TRPC5: variants seen among roughly 807,000 people sequenced by gnomAD.
TRPC5 encodes the protein transient receptor potential cation channel subfamily C member 5, also known as short transient receptor potential channel 5.
TRPC5 carries 9 observed loss-of-function variants against 56.5 expected under a neutral mutation model. The ratio of observed to expected loss-of-function variants is 0.16; its 90% CI spans 0.10 to 0.28. The LOEUF (loss-of-function observed/expected upper bound fraction) is 0.28. TRPC5 is among the 10% of genes least tolerant of loss of function. The pLI is 1.00. For synonymous variants in TRPC5, 282 were observed against 278.5 expected (o/e 1.01, Z -0.13); for missense variants, 469 against 748.9 (o/e 0.63, Z 4.36).
chrX:111,938,750 A>G (rs1348380563), intron 2 of TRPC5, among the ~76,000 whole-genome samples: 1 of 112,176 alleles, frequency 8.9e-6, no homozygotes, highest in East Asian at 2.8e-4. Context: ...TCGGTTTGTC[A>G]GTATTTTACT....
intron 1 of TRPC5, among the ~76,000 whole-genome samples, chrX:111,982,150 G>A (rs1300971907): frequency 1.8e-5 from 2 of 111,991 alleles, no homozygotes; most frequent in African/African-American, 3.2e-5. Context: ...TACAGCCTGC[G>A]GAACTGTGAG....
chrX:111,981,197 T>A (rs1928073622), intron 1 of TRPC5, among the ~76,000 whole-genome samples: 1 of 109,998 alleles, frequency 9.1e-6, no homozygotes, highest in Admixed American at 9.9e-5. Context: ...GAGCTGATGA[T>A]GCATGTTCCA....
rs1923926776 is a variant in TRPC5 at position 111,876,005 on chromosome X, CAAT to C, written c.901-21902_901-21900del. The stretch of plus-strand genomic sequence containing the variant: ...TCTTTGGGAGATAAATGAAACACAA[CAAT>C]GTTTCAATGTCCTATTAAGCTAGGG... On this transcript the variant is annotated intron_variant, in intron 3 of 10. Transcript: ENST00000262839. 3.0e-5 allele frequency: 3 copies of C among 99,521 alleles called. No individual in the cohort carries two copies. The South Asian group carries it at 1.4e-3, about 46-fold the overall frequency. The allele number at this position is 99,521 out of a possible 1,213,427, so 8.2% of individuals were successfully genotyped here.
intron 3 of TRPC5, among the ~76,000 whole-genome samples, chrX:111,905,748 A>C (rs1490640210): frequency 7.3e-5 from 8 of 109,143 alleles, no homozygotes; most frequent in Non-Finnish European, 1.5e-4. Context: ...CCCCGTCTCT[A>C]CTAAAAATAC....
At chrX:111,825,181 TTCTTTC>T in intron 7 of TRPC5, among the ~76,000 whole-genome samples, 1 of 86,594 alleles carries the variant, frequency 1.2e-5, no homozygotes, top group Non-Finnish European at 2.2e-5. Flanking sequence ...CTTTCTTTCT[TTCTTTC>T]TTTCTTTCTT....
At chrX:111,926,484 C>T (rs1204574647) in intron 2 of TRPC5, among the ~76,000 whole-genome samples, 2 of 112,048 alleles carry the variant, frequency 1.8e-5, no homozygotes, top group Non-Finnish European at 3.8e-5. Flanking sequence ...TACGGGGCAG[C>T]ATAGATACAA....
intron 3 of TRPC5, among the ~76,000 whole-genome samples, 178 bp downstream of exon 3, chrX:111,912,113 C>A (rs949935362): frequency 1.8e-5 from 2 of 111,831 alleles, no homozygotes; most frequent in African/African-American, 6.5e-5. Flanking sequence ...ACTTATCTGG[C>A]CATAAAGAAA....
At chrX:111,955,129 A>T (rs985474368) in intron 1 of TRPC5, among the ~76,000 whole-genome samples, 9 of 112,247 alleles carry the variant, frequency 8.0e-5, no homozygotes, top group African/African-American at 2.9e-4. Context: ...GATGATATAT[A>T]GTCAGTTCAA....
At chrX:111,866,182 C>T (rs1476674343) in intron 3 of TRPC5, among the ~76,000 whole-genome samples, 3 of 113,663 alleles carry the variant, frequency 2.6e-5, no homozygotes, top group African/African-American at 9.6e-5. Context: ...CAGTATCTTC[C>T]CCATTGGCCT....
rs756415171 is a variant in TRPC5 at position 111,834,996 on chromosome X, T to C, written c.1821A>G (p.Thr607=). ...TEFVGATMFG[T]YNVISLVVLL... is the part of the protein sequence containing the mutation. ...GCACTACCAGGGAGATGACATTGTA[T>C]GTTCCAAACATGGTAGCTCCTACAA... The change falls in exon 7 of 11, where the codon ACA becomes ACG. Residue 607 remains threonine (T), a synonymous_variant. Coordinates refer to ENST00000262839, the MANE Select transcript of TRPC5 (RefSeq NM_012471.3). The C allele has an allele frequency of 2.5e-6, 3 of 1,209,775 alleles. No homozygotes were observed. The highest frequency in any genetic ancestry group is 3.0e-5 in the East Asian group (1 of 33,771).
chrX:111,892,232 C>T (rs577896106), intron 3 of TRPC5, among the ~76,000 whole-genome samples: 5 of 112,140 alleles, frequency 4.5e-5, no homozygotes, highest in Non-Finnish European at 9.4e-5. Context: ...AAAAAGTATA[C>T]GAAGATGTTT....
intron 3 of TRPC5, among the ~76,000 whole-genome samples, chrX:111,893,995 A>T (rs761991402): frequency 7.2e-5 from 8 of 111,727 alleles, no homozygotes; most frequent in Non-Finnish European, 1.5e-4. Flanking sequence ...ACGAGAAGTT[A>T]TATGTCTGTA....
intron 1 of TRPC5, among the ~76,000 whole-genome samples, chrX:111,953,629 T>C (rs1356852432): frequency 8.9e-6 from 1 of 112,065 alleles, no homozygotes; most frequent in East Asian, 2.8e-4. Context: ...TGAGTTAGGA[T>C]GGACCTATTC....
chrX:111,788,094 G>T (rs1945984436), intron 7 of TRPC5, among the ~76,000 whole-genome samples: 1 of 111,333 alleles, frequency 9.0e-6, no homozygotes, highest in African/African-American at 3.3e-5. Flanking sequence ...ACCAAAGCCG[G>T]GCAGAGATAC....
intron 1 of TRPC5, among the ~76,000 whole-genome samples, chrX:111,970,905 T>G (rs183439459): frequency 3.4e-4 from 37 of 108,495 alleles, no homozygotes; most frequent in East Asian, 8.7e-4. Flanking sequence ...CAGCTCCCGA[T>G]TAGCTGGGAC....
chrX:112,000,674 A>T (rs1388548053), intron 1 of TRPC5, among the ~76,000 whole-genome samples: 1 of 112,322 alleles, frequency 8.9e-6, no homozygotes, highest in Admixed American at 9.4e-5. Flanking sequence ...CACTTAGGAT[A>T]GGTACATCCT....
At chrX:112,011,310 G>A (rs894415450) in intron 1 of TRPC5, among the ~76,000 whole-genome samples, 2 of 111,698 alleles carry the variant, frequency 1.8e-5, no homozygotes, top group Non-Finnish European at 3.8e-5. Flanking sequence ...CTAATCTGGC[G>A]TGTGTGAAAC....
chrX:111,809,727 G>A (rs1425103660), intron 7 of TRPC5, among the ~76,000 whole-genome samples: 1 of 111,043 alleles, frequency 9.0e-6, no homozygotes, highest in Non-Finnish European at 1.9e-5. Context: ...ACGGTTGTTG[G>A]AGGCTTCTAT....
chrX:112,045,054 AATAG>A (rs1341414181), intron 1 of TRPC5, among the ~76,000 whole-genome samples: 1 of 112,463 alleles, frequency 8.9e-6, no homozygotes, highest in Non-Finnish European at 1.9e-5. Context: ...ATTGGCTGAT[AATAG>A]ATAGTCCTTC....
Sources: gnomAD v4.1 joint callset for allele counts (sites outside exome capture counted in the v4.1 genomes callset) on GRCh38, gnomAD v4.1.1 for gene constraint, MANE v1.5 for transcripts, NCBI Gene and HGNC (gene_info 2026-07-23, HGNC 2026-07-21) for gene names.